The following PARP12 variants were observed in gnomAD, a reference collection of about 807,000 sequenced individuals.
PARP12 encodes the protein poly(ADP-ribose) polymerase family member 12.
Under a neutral mutation model 72.4 loss-of-function variants are expected in PARP12, and 59 were observed. The ratio of observed to expected loss-of-function variants is 0.81; its 90% CI spans 0.66 to 1.01. PARP12 has a LOEUF of 1.01. PARP12 is among the 50% of genes least tolerant of loss of function. The pLI is 0.00. For missense variants in PARP12, 851 were observed against 914.0 expected, an observed-to-expected ratio of 0.93 and a Z score of 0.89; for synonymous variants, 403 against 371.4, an observed-to-expected ratio of 1.09 and a Z score of -0.98.
intron 4 of PARP12, among the ~76,000 whole-genome samples, chr7:140,048,904 G>A (rs1042384885): frequency 1.3e-5 from 2 of 152,216 alleles, no homozygotes; most frequent in Admixed American, 6.5e-5. Context: ...GTTTCTTGGA[G>A]GGGACTTGAG....
intron 9 of PARP12, 36 bp downstream of exon 9, chr7:140,028,577 C>G (rs371431518): frequency 1.7e-4 from 260 of 1,518,808 alleles, no homozygotes; most frequent in Admixed American, 7.7e-4. Flanking sequence ...CTACAGAACA[C>G]CTTCCTGTCC....
rs754410638 is a variant in PARP12 at position 140,027,322 on chromosome 7, T to C, written c.1582A>G (p.Lys528Glu). 27 of 1,613,808 alleles carry C rather than the reference T, an allele frequency of 1.7e-5. No homozygotes were observed. The highest frequency in any genetic ancestry group is 2.3e-5 in the Non-Finnish European group (27 of 1,179,976). The change falls in exon 10 of 12, where the codon AAG becomes GAG. Residue 528 changes from lysine to glutamate, a missense_variant. This residue lies in a region of PARP12 where 347 missense variants were observed against 396.1 expected (regional missense o/e 0.88). Coordinates refer to ENST00000263549, the MANE Select transcript of PARP12 (RefSeq NM_022750.4). ...NRTLPFYFVQKIERVQNLALW... is the reference protein window; with the variant it reads ...NRTLPFYFVQEIERVQNLALW... ...GCCAGGTTCTGTACTCGCTCAATCT[T>C]CTGAACAAAGTAGAAAGGCAGCGTG... is the stretch of plus-strand genomic sequence containing the variant.
At position 140,027,399 on chromosome 7, in the gene PARP12, G is replaced by A. The variant is rs1815778717; in HGVS notation, c.1505C>T (p.Thr502Ile). ...ATACTCTTCCGAGGAAGAACTAAGG[G>A]TGATCTTCTGCAAGGGGCAAATGTT... is the stretch of plus-strand genomic sequence containing the variant. ...ALPDPGFQKI[T>I]LSSSSEEYQK... Residue 502 changes from threonine to isoleucine, a missense_variant, in exon 10 of 12, where the codon ACC (threonine) becomes ATC (isoleucine). By Grantham distance (89) the Thr-to-Ile change is moderately conservative. Transcript: ENST00000263549. 3 of 1,613,766 alleles carry A rather than the reference G, an allele frequency of 1.9e-6. No individual in the cohort carries two copies. Among genetic ancestry groups the A allele is most frequent in the Admixed American group, 3.3e-5 (2 of 59,994 alleles).
chr7:140,062,761 G>T lies in PARP12; in HGVS notation c.87C>A (p.Arg29=), dbSNP rs778868508. 7.2e-7 allele frequency: 1 copy of T among 1,388,860 alleles called. No individual in the cohort carries two copies. Among genetic ancestry groups the T allele is most frequent in the South Asian group, 1.5e-5 (1 of 68,628 alleles). The allele number at this position is 1,388,860 out of a possible 1,614,324, so 86.0% of individuals were successfully genotyped here. ...GALELPELRR[R]LRMGLSADAL... ...CGTCGGCGCTCAAGCCCATCCGCAA[G>T]CGGCGCCGCAGCTCGGGCAACTCCA... The change falls in exon 1 of 12, where the codon CGC becomes CGA. Residue 29 remains arginine, a synonymous_variant. Coordinates refer to ENST00000263549, the MANE Select transcript of PARP12 (RefSeq NM_022750.4).
At position 140,035,947 on chromosome 7, in the gene PARP12, GGAGGAC is replaced by G. The variant is rs1359903205; in HGVS notation, c.1325-1622_1325-1617del. The stretch of plus-strand genomic sequence containing the variant: ...AGGACAAGGAGGAGGAGGAGGAGGA[GGAGGAC>G]GAGGAGGAGGAGGAGGACGAGGAGG... On this transcript the variant is annotated intron_variant, in intron 7 of 11. Transcript: ENST00000263549. Among the ~76,000 whole-genome samples the G allele has an allele frequency of 1.1e-3, 112 of 98,770 alleles. 7 individuals are homozygous for G. Among genetic ancestry groups the G allele is most frequent in the Middle Eastern group, 5.4e-3 (1 of 186 alleles). 64.8% of individuals were successfully genotyped at this position (98,770 alleles called of 152,430 possible). A position where few individuals can be genotyped will look rare whatever the true frequency, so the allele number is the denominator to read the frequency against.
rs9340757 is a variant in PARP12 at position 140,046,721 on chromosome 7, A to AGTGTGTGT, written c.986+155_986+162dup. ...TCTACCTCCAGACTAGGTGGCTCACAGTGTGTGTGTGTGTGTGTGTGTGTG... is the reference window on the plus strand; with the variant it reads ...TCTACCTCCAGACTAGGTGGCTCACAGTGTGTGTGTGTGTGTGTGTGTGTGTGTGTGTG... On this transcript the variant is annotated intron_variant, in intron 5 of 11. Transcript: ENST00000263549. 9.3e-3 allele frequency among the ~76,000 whole-genome samples: 1,265 copies of AGTGTGTGT among 135,472 alleles called. 25 individuals are homozygous for AGTGTGTGT. The highest frequency in any genetic ancestry group is 0.033 in the Middle Eastern group (9 of 272). The allele number at this position is 135,472 out of a possible 152,430, so 88.9% of individuals were successfully genotyped here.
chr7:140,040,086 G>A (rs1185636622), intron 6 of PARP12, among the ~76,000 whole-genome samples: 3 of 152,164 alleles, frequency 2.0e-5, no homozygotes, highest in African/African-American at 4.8e-5. Flanking sequence ...GGTCTCCTCC[G>A]AGAAGCCGGA....
intron 5 of PARP12, among the ~76,000 whole-genome samples, 163 bp downstream of exon 5, chr7:140,046,721 A>AGTGTGTGTGTGTGTGTGTGTGTGT (rs9340757): frequency 3.5e-4 from 48 of 135,396 alleles, no homozygotes; most frequent in Non-Finnish European, 6.0e-4. Context: ...GGTGGCTCAC[A>AGTGTGTGTGTGTGTGTGTGTGTGT]GTGTGTGTGT....
At position 140,024,615 on chromosome 7, in the gene PARP12, G is replaced by C. The variant is rs373376223; in HGVS notation, c.2051C>G (p.Ser684Trp). The change falls in exon 12 of 12, where the codon TCG becomes TGG. Residue 684 changes from serine (S) to tryptophan (W), a missense_variant. Transcript: ENST00000263549. ...VIQYTTSSKP[S>W]VTPSILLALG... is the part of the protein sequence containing the mutation. ...GGCCAGCAGGATGGAGGGTGTGACC[G>C]AGGGCTTGGAGGAGGTGGTGTACTG... 2 of 1,614,202 alleles carry C rather than the reference G, an allele frequency of 1.2e-6. No homozygotes were observed. The highest frequency in any genetic ancestry group is 1.7e-6 in the Non-Finnish European group (2 of 1,180,028).
At chr7:140,046,740 GT>G in intron 5 of PARP12, 143 bp downstream of exon 5, 1 of 831,790 alleles carries the variant, frequency 1.2e-6, no homozygotes, top group South Asian at 1.7e-5. Context: ...GTGTGTGTGT[GT>G]GTGTGTGTGT....
intron 1 of PARP12, 56 bp from the exon 2 acceptor site, chr7:140,058,090 A>G (rs542758485): frequency 2.2e-5 from 35 of 1,594,266 alleles, no homozygotes; most frequent in South Asian, 1.4e-4. Context: ...CAAAATTTCT[A>G]TGTTGGAGTC....
At chr7:140,043,347 T>G (rs1462302139) in intron 5 of PARP12, among the ~76,000 whole-genome samples, 1 of 152,162 alleles carries the variant, frequency 6.6e-6, no homozygotes, top group African/African-American at 2.4e-5. Context: ...CAGATGCAGA[T>G]ATACGTGATA....
At chr7:140,048,463 G>A (rs915586519) in intron 4 of PARP12, among the ~76,000 whole-genome samples, 1 of 152,100 alleles carries the variant, frequency 6.6e-6, no homozygotes, top group Admixed American at 6.6e-5. Context: ...GAGAGGACAG[G>A]GAGAAAGGAG....
intron 4 of PARP12, among the ~76,000 whole-genome samples, chr7:140,047,868 G>A (rs1816798196): frequency 6.6e-6 from 1 of 152,094 alleles, no homozygotes; most frequent in Non-Finnish European, 1.5e-5. Context: ...CACCCATCTT[G>A]GCCTCCCAAA....
At chr7:140,056,453 A>C (rs747788058) in intron 3 of PARP12, among the ~76,000 whole-genome samples, 1 of 152,120 alleles carries the variant, frequency 6.6e-6, no homozygotes, top group Non-Finnish European at 1.5e-5. Flanking sequence ...AGAATACAAC[A>C]CAAGGAATGC....
rs550868411 is a variant in PARP12, at chr7:140,038,198, A to G, written c.1183-342T>C. On this transcript the variant is annotated intron_variant, in intron 6 of 11. Coordinates refer to ENST00000263549, the MANE Select transcript of PARP12 (RefSeq NM_022750.4). ...GCAGAACAGCAACAGCGACTTCTGG[A>G]GTGCTGCTTGACTGGGCAGCCCAAG... 12 of 985,426 alleles carry G rather than the reference A, an allele frequency of 1.2e-5. No homozygotes were observed. In the South Asian group the frequency reaches 5.2e-4, roughly 42 times the overall value. The allele number at this position is 985,426 out of a possible 1,614,324, so 61.0% of individuals were successfully genotyped here. A position where few individuals can be genotyped will look rare whatever the true frequency, so the allele number is the denominator to read the frequency against.
chr7:140,038,125 G>A, intron 6 of PARP12: 1 of 985,404 alleles, frequency 1.0e-6, no homozygotes, highest in Non-Finnish European at 1.2e-6. Context: ...GGAGAGGAGG[G>A]CACTCAAGTC....
intron 6 of PARP12, among the ~76,000 whole-genome samples, chr7:140,039,550 G>A (rs1816369853): frequency 1.3e-5 from 2 of 152,234 alleles, no homozygotes; most frequent in South Asian, 4.1e-4. Context: ...GTGAGATGTG[G>A]AAGGAATGAC....
At chr7:140,036,661 C>T (rs1397031023) in intron 7 of PARP12, among the ~76,000 whole-genome samples, 3 of 152,160 alleles carry the variant, frequency 2.0e-5, no homozygotes, top group African/African-American at 7.2e-5. Context: ...AAACCATAAA[C>T]TGTGTTTAAA....
Sources: gnomAD v4.1 joint callset for allele counts (sites outside exome capture counted in the v4.1 genomes callset) on GRCh38, gnomAD v4.1.1 for gene constraint, gnomAD v4.1.1 regional missense constraint, MANE v1.5 for transcripts, NCBI Gene and HGNC (gene_info 2026-07-23, HGNC 2026-07-21) for gene names.